Variants in TFDP2 observed in about 807,000 individuals in gnomAD.
TFDP2 encodes the protein transcription factor Dp-2 (E2F dimerization partner 2).
Under a neutral mutation model 59.3 loss-of-function variants are expected in TFDP2, and 17 were observed. The observed-to-expected ratio is 0.29, with a 90% CI of 0.20 to 0.43. The LOEUF is 0.43. Ranked by LOEUF, TFDP2 falls within the 20% of genes least tolerant of loss-of-function variation. The probability of loss-of-function intolerance (pLI) is 1.00; values close to 1 mark genes in which losing one functional copy is unlikely to be tolerated. For missense variants in TFDP2, 391 were observed against 528.8 expected (o/e 0.74, Z 2.56); for synonymous variants, 180 against 194.7 (o/e 0.92, Z 0.63).
At chr3:142,105,563 A>G (rs1292042989) in intron 1 of TFDP2, among the ~76,000 whole-genome samples, 2 of 152,264 alleles carry the variant, frequency 1.3e-5, no homozygotes, top group South Asian at 2.1e-4. Flanking sequence ...CAATGATGTT[A>G]TATTTCCTAA....
At chr3:142,020,224 C>T (rs1945479199) in intron 3 of TFDP2, among the ~76,000 whole-genome samples, 1 of 152,044 alleles carries the variant, frequency 6.6e-6, no homozygotes, top group Non-Finnish European at 1.5e-5. Context: ...CAGGGGATAT[C>T]TATCACCTGT....
chr3:141,989,279 A>G (rs1485617920), intron 6 of TFDP2: 1 of 152,178 alleles, frequency 6.6e-6, no homozygotes, highest in East Asian at 1.9e-4. Context: ...AGGTTCCCCC[A>G]CTTGTGGAGG....
At chr3:142,139,538 A>C (rs1225244524) in intron 1 of TFDP2, among the ~76,000 whole-genome samples, 3 of 152,112 alleles carry the variant, frequency 2.0e-5, no homozygotes, top group Admixed American at 6.6e-5. Flanking sequence ...CACTTCCTTC[A>C]GGAGTTCTTG....
chr3:141,961,312 C>T (rs1271651372), intron 10 of TFDP2, among the ~76,000 whole-genome samples: 1 of 140,542 alleles, frequency 7.1e-6, no homozygotes, highest in Admixed American at 7.7e-5. Flanking sequence ...GGCACGATCT[C>T]GGCTCAATGC....
In TFDP2 at chr3:142,009,842, G is replaced by C. The variant is rs1003395139; in HGVS notation, c.83-4298C>G. 3.6e-4 allele frequency among the ~76,000 whole-genome samples: 54 copies of C among 151,908 alleles called. 1 individual carries two copies. Among genetic ancestry groups the C allele is most frequent in the African/African-American group, 1.1e-3 (45 of 41,460 alleles). Reference sequence around the variant, plus strand: ...TAGTATTTCAAACCAATAATGTTGAGACAAGAGACTATCCATTTGGATAAA... The same window carrying C: ...TAGTATTTCAAACCAATAATGTTGACACAAGAGACTATCCATTTGGATAAA... On this transcript the variant is annotated intron_variant, in intron 3 of 12. Transcript: ENST00000489671.
At chr3:142,147,316 T>TA (rs2063215035) in intron 1 of TFDP2, among the ~76,000 whole-genome samples, 1 of 152,192 alleles carries the variant, frequency 6.6e-6, no homozygotes, top group African/African-American at 2.4e-5. Context: ...TTCTATGATC[T>TA]AAAAGAACTC....
chr3:142,014,292 A>G (rs547914595), intron 3 of TFDP2, among the ~76,000 whole-genome samples: 9 of 152,128 alleles, frequency 5.9e-5, no homozygotes, highest in Non-Finnish European at 1.0e-4. Flanking sequence ...ATTGGTGTGC[A>G]CCACCATGCC....
At chr3:142,006,425 C>A (rs112040965) in intron 3 of TFDP2, among the ~76,000 whole-genome samples, 2 of 152,110 alleles carry the variant, frequency 1.3e-5, no homozygotes, top group African/African-American at 2.4e-5. Context: ...CCTCAGATGA[C>A]CCCCATCTTC....
At chr3:142,016,450 C>T (rs182988868) in intron 3 of TFDP2, among the ~76,000 whole-genome samples, 1 of 152,072 alleles carries the variant, frequency 6.6e-6, no homozygotes, top group Non-Finnish European at 1.5e-5. Flanking sequence ...AGGTGCCCAC[C>T]AGCACACCTG....
chr3:142,061,889 TACACACACACACACACACACACACACA>T (rs1310359478), intron 3 of TFDP2, among the ~76,000 whole-genome samples: 2 of 79,880 alleles, frequency 2.5e-5, no homozygotes, highest in East Asian at 3.9e-4. Flanking sequence ...TCTCTCTCTC[TACACACACACACACACACACACACACA>T]CACACACACA....
intron 9 of TFDP2, among the ~76,000 whole-genome samples, chr3:141,964,641 G>A (rs1937670307): frequency 6.6e-6 from 1 of 151,862 alleles, no homozygotes; most frequent in Non-Finnish European, 1.5e-5. Context: ...GACAGAATGA[G>A]ACCCTGTCTC....
intron 1 of TFDP2, among the ~76,000 whole-genome samples, chr3:142,128,084 A>G (rs2062337264): frequency 6.6e-6 from 1 of 152,156 alleles, no homozygotes; most frequent in Non-Finnish European, 1.5e-5. Flanking sequence ...GTCTGTCCAT[A>G]GTCCTAGCTA....
At chr3:142,134,916 T>C (rs2062663539) in intron 1 of TFDP2, among the ~76,000 whole-genome samples, 1 of 152,146 alleles carries the variant, frequency 6.6e-6, no homozygotes, top group Non-Finnish European at 1.5e-5. Context: ...CTATCACTTT[T>C]ATTCTCAAAC....
chr3:142,072,934 A>G lies in TFDP2; in HGVS notation c.82+20127T>C, dbSNP rs552368028. On this transcript the variant is annotated intron_variant, in intron 3 of 12. Transcript: ENST00000489671. The stretch of plus-strand genomic sequence containing the variant: ...ATAACTCCCTGCTCCTCAAGTGTGC[A>G]ATCCACACAATGACTTCCTTCCAAA... Among the ~76,000 whole-genome samples the G allele has an allele frequency of 4.6e-5, 7 of 152,324 alleles. No homozygotes were observed. In the South Asian group the frequency reaches 1.2e-3, roughly 27 times the overall value.
At chr3:142,097,495 A>T (rs1193326397) in intron 2 of TFDP2, among the ~76,000 whole-genome samples, 1 of 152,128 alleles carries the variant, frequency 6.6e-6, no homozygotes, top group Admixed American at 6.6e-5. Flanking sequence ...GTTTGAGACC[A>T]GCCTTAAGGA....
chr3:142,142,198 AC>A (rs554085130), intron 1 of TFDP2, among the ~76,000 whole-genome samples: 22 of 152,290 alleles, frequency 1.4e-4, no homozygotes, highest in Non-Finnish European at 2.6e-4. Context: ...ATTTGGAAAA[AC>A]CTAAAGACTC....
At chr3:142,051,346 C>G (rs1031126477) in intron 3 of TFDP2, among the ~76,000 whole-genome samples, 5 of 152,128 alleles carry the variant, frequency 3.3e-5, no homozygotes, top group African/African-American at 1.2e-4. Flanking sequence ...TGAGACCAGC[C>G]TGGCCAATGT....
chr3:142,030,803 C>T (rs1481740993), intron 3 of TFDP2, among the ~76,000 whole-genome samples: 5 of 132,462 alleles, frequency 3.8e-5, no homozygotes, highest in Non-Finnish European at 6.1e-5. Flanking sequence ...AGTGCAGTGG[C>T]GCGATCTCGG....
chr3:141,961,816 C>A (rs1400807830), intron 10 of TFDP2, among the ~76,000 whole-genome samples: 1 of 152,238 alleles, frequency 6.6e-6, no homozygotes, highest in Non-Finnish European at 1.5e-5. Flanking sequence ...TGTGCACCTG[C>A]AGTCCTGGCT....
Sources: gnomAD v4.1 joint callset for allele counts (sites outside exome capture counted in the v4.1 genomes callset) on GRCh38, gnomAD v4.1.1 for gene constraint, MANE v1.5 for transcripts, NCBI Gene and HGNC (gene_info 2026-07-23, HGNC 2026-07-21) for gene names.